The following SCARA3 variants were observed in gnomAD, a reference collection of about 807,000 sequenced individuals.
The protein encoded by SCARA3 is scavenger receptor class A member 3, also known as cellular stress response gene protein.
Under a neutral mutation model 47.0 loss-of-function variants are expected in SCARA3, and 39 were observed. That is an observed-to-expected ratio of 0.83 (90% CI 0.64 to 1.08). The LOEUF (loss-of-function observed/expected upper bound fraction) is 1.08, where lower values mean the gene tolerates loss of function less well. Among genes scored for constraint, SCARA3 ranks in the 50% least tolerant of loss-of-function variants. The pLI is 0.00. For missense variants in SCARA3, 724 were observed against 792.3 expected (o/e 0.91, Z 1.04); for synonymous variants, 356 against 334.1 (o/e 1.07, Z -0.71).
At chr8:27,647,625 G>A (rs2128917321) in intron 1 of SCARA3, among the ~76,000 whole-genome samples, 1 of 152,354 alleles carries the variant, frequency 6.6e-6, no homozygotes, top group African/African-American at 2.4e-5. Flanking sequence ...GAAGCGCTGG[G>A]GAAGAGAGCT....
At chr8:27,654,577 A>G (rs1441605600) in intron 3 of SCARA3, among the ~76,000 whole-genome samples, 4 of 151,658 alleles carry the variant, frequency 2.6e-5, no homozygotes. Context: ...TGGGAAACAT[A>G]GTGAGACCCC....
chr8:27,687,708 A>C, the SCARA3 span, among the ~76,000 whole-genome samples: 1 of 152,034 alleles, frequency 6.6e-6, no homozygotes, highest in African/African-American at 2.4e-5. Context: ...GGGGCAGAGG[A>C]TGCTTAACTT....
the SCARA3 span, among the ~76,000 whole-genome samples, chr8:27,686,552 C>T: frequency 6.6e-6 from 1 of 152,132 alleles, no homozygotes; most frequent in Non-Finnish European, 1.5e-5. Flanking sequence ...CAAGGCTTCC[C>T]TGTTCACTAT....
chr8:27,688,806 TA>T, the SCARA3 span, among the ~76,000 whole-genome samples: 1 of 152,142 alleles, frequency 6.6e-6, no homozygotes, highest in African/African-American at 2.4e-5. Flanking sequence ...TTTAAACATC[TA>T]AAGTAGGTTA....
intron 5 of SCARA3, among the ~76,000 whole-genome samples, chr8:27,660,334 A>G (rs1005949322): frequency 6.6e-6 from 1 of 152,168 alleles, no homozygotes; most frequent in African/African-American, 2.4e-5. Context: ...AACAGAATCA[A>G]TAGTGTATAG....
Position 27,651,606 on chromosome 8 carries a change from G to A in SCARA3, c.205G>A (p.Val69Met), listed in dbSNP as rs140443083. The A allele has an allele frequency of 1.7e-5, 28 of 1,613,968 alleles. No homozygotes were observed. The highest frequency in any genetic ancestry group is 1.6e-4 in the Middle Eastern group (1 of 6,082). Residue 69 changes from valine (V) to methionine (M), a missense_variant, in exon 3 of 6, where the codon GTG (valine) becomes ATG (methionine). Physicochemically the swap from Val to Met is conservative, Grantham distance 21 (BLOSUM62 1). Coordinates refer to ENST00000301904, the MANE Select transcript of SCARA3 (RefSeq NM_016240.3). ...YLFLALLLVAVAVLASLVFRK... is the reference protein window; with the variant it reads ...YLFLALLLVAMAVLASLVFRK... ...CTTCCTGGCCCTGCTCCTGGTGGCC[G>A]TGGCTGTGTTGGCCTCTCTGGGTGA...
chr8:27,673,745 C>A (rs987692041), downstream of SCARA3, among the ~76,000 whole-genome samples: 1 of 152,130 alleles, frequency 6.6e-6, no homozygotes, highest in African/African-American at 2.4e-5. Context: ...GCCATTGTCA[C>A]GGTGGGACTT....
intron 3 of SCARA3, among the ~76,000 whole-genome samples, chr8:27,652,685 A>G (rs1309924176): frequency 2.0e-5 from 3 of 152,206 alleles, no homozygotes; most frequent in Non-Finnish European, 1.5e-5. Context: ...GCATTAATTA[A>G]TCCAACAAAA....
Position 27,671,561 on chromosome 8 carries a change from C to CA in SCARA3, c.*211dup. Reference sequence around the variant, plus strand: ...TCACACATACATGTGCACATGCACACACATGCATGCACACACATGCACACA... The same window carrying CA: ...TCACACATACATGTGCACATGCACACAACATGCATGCACACACATGCACACA... On this transcript the variant is annotated 3_prime_UTR_variant, in exon 6 of 6. Transcript: ENST00000301904. The CA allele has an allele frequency of 7.9e-7, 1 of 1,273,432 alleles. No homozygotes were observed. Among genetic ancestry groups the CA allele is most frequent in the Non-Finnish European group, 9.9e-7 (1 of 1,013,404 alleles). The allele number at this position is 1,273,432 out of a possible 1,614,324, so 78.9% of individuals were successfully genotyped here.
downstream of SCARA3, among the ~76,000 whole-genome samples, chr8:27,678,660 G>T (rs1309323521): frequency 1.3e-5 from 2 of 152,060 alleles, no homozygotes; most frequent in Non-Finnish European, 2.9e-5. Flanking sequence ...AGAAGAGGAG[G>T]AAACACTTCC....
the SCARA3 span, among the ~76,000 whole-genome samples, chr8:27,715,883 A>AGAT: frequency 5.4e-5 from 7 of 128,578 alleles, no homozygotes; most frequent in South Asian, 2.0e-3. The surrounding 1 kb of genome is among the most constrained non-coding windows in gnomAD (Gnocchi z 4.2). Flanking sequence ...GATAGATAGA[A>AGAT]AGAAACATAG....
chr8:27,670,834 C>G, intron 5 of SCARA3, 66 bp from the exon 6 acceptor site: 2 of 1,384,840 alleles, frequency 1.4e-6, no homozygotes, highest in South Asian at 2.8e-5. Flanking sequence ...CCGCTCTGCT[C>G]ATGGGCGAGC....
chr8:27,701,697 G>A, the SCARA3 span: 37,476 of 147,266 alleles, frequency 0.25, 4,999 homozygotes, highest in East Asian at 0.43. Context: ...GCACAGGCAC[G>A]GGAGCTCAGG....
rs1347078546 is a variant in SCARA3, at chr8:27,658,716, C to G, written c.546C>G (p.Asn182Lys). Reference protein sequence around the residue: ...GSCSFSIHQVNQSLGLFLAQV... With the variant: ...GSCSFSIHQVKQSLGLFLAQV... ...GCTCCTTCTCCATCCACCAGGTTAA[C>G]CAGTCTCTGGGGCTCTTCCTGGCCC... is the stretch of plus-strand genomic sequence containing the variant. The change falls in exon 5 of 6, where the codon AAC (asparagine) becomes AAG (lysine). Residue 182 changes from asparagine (N) to lysine (K), a missense_variant. Coordinates refer to ENST00000301904, the MANE Select transcript of SCARA3 (RefSeq NM_016240.3). The G allele has an allele frequency of 6.2e-7, 1 of 1,614,034 alleles. No individual in the cohort carries two copies. Among genetic ancestry groups the G allele is most frequent in the South Asian group, 1.1e-5 (1 of 91,074 alleles).
intron 3 of SCARA3, among the ~76,000 whole-genome samples, chr8:27,653,328 A>G (rs969463809): frequency 6.6e-6 from 1 of 152,176 alleles, no homozygotes; most frequent in Non-Finnish European, 1.5e-5. Flanking sequence ...TCCTCACGGG[A>G]GGGTACAGAC....
In SCARA3 at chr8:27,672,705, G is replaced by A; in HGVS notation, c.*1354G>A. ...TTCCTGCACACACTGGCAGAGAGGG[G>A]CGCTGGGAAATCACCCCACAGGGTG... On this transcript the variant is annotated 3_prime_UTR_variant, in exon 6 of 6. Coordinates refer to ENST00000301904, the MANE Select transcript of SCARA3 (RefSeq NM_016240.3). 5 of 985,674 alleles carry A rather than the reference G, an allele frequency of 5.1e-6. No homozygotes were observed. Among genetic ancestry groups the A allele is most frequent in the Non-Finnish European group, 6.0e-6 (5 of 830,126 alleles). 61.1% of individuals were successfully genotyped at this position (985,674 alleles called of 1,614,324 possible). A position where few individuals can be genotyped will look rare whatever the true frequency, so the allele number is the denominator to read the frequency against.
the SCARA3 span, chr8:27,702,774 T>C: frequency 6.6e-6 from 1 of 152,418 alleles, no homozygotes; most frequent in Non-Finnish European, 1.5e-5. Flanking sequence ...GTGTTTTCCA[T>C]CCCCACCCAA....
chr8:27,709,711 A>G, the SCARA3 span, among the ~76,000 whole-genome samples: 10 of 152,324 alleles, frequency 6.6e-5, no homozygotes, highest in African/African-American at 2.4e-4. Context: ...GGCTGGAGCC[A>G]GGAAATCCAG....
At chr8:27,691,083 A>G in the SCARA3 span, among the ~76,000 whole-genome samples, 2 of 152,252 alleles carry the variant, frequency 1.3e-5, no homozygotes, top group Non-Finnish European at 2.9e-5. Context: ...AAGATCAGAT[A>G]TAGAAGGGAG....
Sources: gnomAD v4.1 joint callset for allele counts (sites outside exome capture counted in the v4.1 genomes callset) on GRCh38, gnomAD v4.1.1 for gene constraint, Gnocchi (gnomAD v3.1) non-coding constraint, MANE v1.5 for transcripts, NCBI Gene and HGNC (gene_info 2026-07-23, HGNC 2026-07-21) for gene names.